The following ROBO2 variants were observed in gnomAD, a reference collection of about 807,000 sequenced individuals.
ROBO2 encodes the protein roundabout homolog 2.
In ROBO2, 53 loss-of-function variants were observed where a neutral mutation model predicts 160.8. The ratio of observed to expected loss-of-function variants is 0.33; its 90% CI spans 0.26 to 0.41. The LOEUF is 0.41. Among genes scored for constraint, ROBO2 ranks in the 10% least tolerant of loss-of-function variants. The probability of loss-of-function intolerance (pLI) is 1.00; values close to 1 mark genes in which losing one functional copy is unlikely to be tolerated. For missense variants in ROBO2, 1,577 were observed against 1,722.4 expected (o/e 0.92, Z 1.49); for synonymous variants, 664 against 611.7 (o/e 1.09, Z -1.26).
chr3:76,590,777 A>C (rs1261900346), intron 2 of ROBO2, among the ~76,000 whole-genome samples: 1 of 152,096 alleles, frequency 6.6e-6, no homozygotes, highest in Non-Finnish European at 1.5e-5. Flanking sequence ...ACACTTTCTC[A>C]AAACAATATT....
intron 2 of ROBO2, among the ~76,000 whole-genome samples, chr3:77,134,937 C>T (rs1385107427): frequency 1.3e-5 from 2 of 152,168 alleles, no homozygotes; most frequent in South Asian, 2.1e-4. Flanking sequence ...CCGTTCACTG[C>T]GCTCCCCGGG....
chr3:75,954,488 A>C (rs549565836), intron 2 of ROBO2, among the ~76,000 whole-genome samples: 50 of 151,998 alleles, frequency 3.3e-4, no homozygotes, highest in African/African-American at 1.2e-3. Flanking sequence ...GTCTTGTATT[A>C]GTTTCCCCAT....
At chr3:76,070,036 A>C (rs1266637586) in intron 2 of ROBO2, among the ~76,000 whole-genome samples, 1 of 152,132 alleles carries the variant, frequency 6.6e-6, no homozygotes, top group African/African-American at 2.4e-5. Flanking sequence ...CTGTCAGATG[A>C]GGAGGATGTA....
intron 1 of ROBO2, among the ~76,000 whole-genome samples, chr3:75,937,203 A>G (rs918303870): frequency 4.6e-5 from 7 of 152,168 alleles, no homozygotes; most frequent in Non-Finnish European, 1.0e-4. Flanking sequence ...TATTGGGAGT[A>G]CTTTTTAACA....
intron 2 of ROBO2, among the ~76,000 whole-genome samples, chr3:75,999,469 A>G (rs1220052453): frequency 2.6e-5 from 4 of 152,120 alleles, no homozygotes; most frequent in Admixed American, 1.3e-4. Flanking sequence ...CCCTTTTAGT[A>G]TTTATTTTAT....
At chr3:76,811,804 TC>T (rs1560605829) in intron 2 of ROBO2, among the ~76,000 whole-genome samples, 13 of 62,198 alleles carry the variant, frequency 2.1e-4, no homozygotes, top group African/African-American at 6.7e-4. Context: ...CTTCCTTCCT[TC>T]CTTCCTTCCT....
Position 77,646,072 on chromosome 3 carries a change from T to C in ROBO2, c.*17T>C, listed in dbSNP as rs542020543. ...TCTTTAGAGTAAATGAGAGGAGACA[T>C]ACAAAGCTGCTCTGAAGGACCATCA... On this transcript the variant is annotated 3_prime_UTR_variant, in exon 26 of 26. Transcript: ENST00000461745. 2.4e-5 allele frequency: 38 copies of C among 1,589,694 alleles called. No individual in the cohort carries two copies. In the East Asian group the frequency reaches 5.2e-4, roughly 22 times the overall value.
chr3:77,295,739 G>A (rs954249838), intron 2 of ROBO2, among the ~76,000 whole-genome samples: 8 of 150,660 alleles, frequency 5.3e-5, no homozygotes, highest in African/African-American at 1.5e-4. Context: ...ACGGTTAAAC[G>A]GGTAAGCTGA....
At chr3:76,799,522 A>G (rs1291947065) in intron 2 of ROBO2, among the ~76,000 whole-genome samples, 2 of 151,638 alleles carry the variant, frequency 1.3e-5, no homozygotes, top group Non-Finnish European at 2.9e-5. Flanking sequence ...AAAACCCAGT[A>G]AAGTGGCAGG....
chr3:76,373,093 T>C lies in ROBO2; in HGVS notation c.109+435491T>C, dbSNP rs563578627. The stretch of plus-strand genomic sequence containing the variant: ...TCTAAATAATTAAGAAATAAGAGCA[T>C]CTAGTCAAGGGAAACAGTTTCATTC... On this transcript the variant is annotated intron_variant, in intron 2 of 26. Coordinates refer to the ROBO2 transcript ENST00000487694. 1.7e-3 allele frequency among the ~76,000 whole-genome samples: 255 copies of C among 152,072 alleles called. 1 individual carries two copies. Among genetic ancestry groups the C allele is most frequent in the African/African-American group, 5.9e-3 (247 of 41,524 alleles).
intron 2 of ROBO2, among the ~76,000 whole-genome samples, chr3:76,831,374 A>G (rs1431762637): frequency 6.6e-6 from 1 of 152,208 alleles, no homozygotes; most frequent in Admixed American, 6.5e-5. Context: ...TGATTTGATA[A>G]ATCTCAAAGG....
At chr3:76,663,522 G>A (rs753261718) in intron 2 of ROBO2, among the ~76,000 whole-genome samples, 4 of 152,092 alleles carry the variant, frequency 2.6e-5, no homozygotes, top group Non-Finnish European at 5.9e-5. Flanking sequence ...TGTCTGTTGT[G>A]CTCCTGCCTT....
intron 2 of ROBO2, among the ~76,000 whole-genome samples, chr3:76,954,393 C>A (rs564132191): frequency 6.6e-6 from 1 of 152,260 alleles, no homozygotes; most frequent in South Asian, 2.1e-4. Flanking sequence ...TCTTACAACA[C>A]GAGTAGTTCT....
chr3:76,316,466 C>A (rs2107829240), intron 2 of ROBO2, among the ~76,000 whole-genome samples: 1 of 151,478 alleles, frequency 6.6e-6, no homozygotes, highest in East Asian at 1.9e-4. Flanking sequence ...TTCTGCCCAA[C>A]CCTGCAGGCA....
rs1475902743 is a variant in ROBO2 at position 75,972,310 on chromosome 3, G to C, written c.109+34708G>C. Among the ~76,000 whole-genome samples, 3 of 151,650 alleles carry C rather than the reference G, an allele frequency of 2.0e-5. No individual in the cohort carries two copies. In the East Asian group the frequency reaches 5.9e-4, roughly 30 times the overall value. On this transcript the variant is annotated intron_variant, in intron 2 of 26. Transcript: ENST00000487694. ...GATTGTTATGGGAGTGCAAAGTTAA[G>C]AAAGTATTCTAAGGTAAATGTGAAG... is the stretch of plus-strand genomic sequence containing the variant.
intron 1 of ROBO2, among the ~76,000 whole-genome samples, chr3:77,077,340 T>C (rs1044065232): frequency 3.9e-5 from 6 of 152,212 alleles, no homozygotes; most frequent in Non-Finnish European, 7.3e-5. Flanking sequence ...TATAGTATCA[T>C]TGAAAGTGAA....
intron 1 of ROBO2, among the ~76,000 whole-genome samples, chr3:77,059,139 C>T (rs547003321): frequency 2.0e-5 from 3 of 151,960 alleles, no homozygotes; most frequent in Admixed American, 6.6e-5. Context: ...CTGGAGAACT[C>T]CCTGGGGAAG....
intron 2 of ROBO2, among the ~76,000 whole-genome samples, chr3:76,365,720 G>T (rs1472526523): frequency 6.6e-6 from 1 of 151,996 alleles, no homozygotes; most frequent in African/African-American, 2.4e-5. Context: ...CAAATATCTT[G>T]AAAACTATCT....
chr3:76,335,256 A>G (rs1475787653), intron 2 of ROBO2, among the ~76,000 whole-genome samples: 1 of 132,750 alleles, frequency 7.5e-6, no homozygotes, highest in Non-Finnish European at 1.5e-5. Context: ...ATCTCTGCTC[A>G]CGGCAACCTC....
Sources: allele counts gnomAD v4.1 joint callset (sites outside exome capture counted in the v4.1 genomes callset), GRCh38; gene constraint gnomAD v4.1.1; transcripts MANE v1.5; gene names NCBI Gene and HGNC (gene_info 2026-07-23, HGNC 2026-07-21).